SACS: variants seen among roughly 807,000 people sequenced by gnomAD.
SACS encodes the protein sacsin.
In SACS, 197 loss-of-function variants were observed where a neutral mutation model predicts 348.0. That is an observed-to-expected ratio of 0.57 (90% confidence interval 0.50 to 0.64). The LOEUF (loss-of-function observed/expected upper bound fraction) is 0.64. SACS is among the 30% of genes least tolerant of loss of function. The pLI, the probability that SACS is intolerant of heterozygous loss-of-function variation, is 0.00. For synonymous variants in SACS, 1,985 were observed against 1,910.6 expected, an observed-to-expected ratio of 1.04 and a Z score of -1.02; for missense variants, 4,999 against 5,360.8, an observed-to-expected ratio of 0.93 and a Z score of 2.11.
In SACS at chr13:23,331,194, C is replaced by T. The variant is rs1447327391; in HGVS notation, c.12682G>A (p.Asp4228Asn). The change falls in exon 10 of 10, where the codon GAT becomes AAT. Residue 4228 changes from aspartate (D) to asparagine (N), a missense_variant. Asp to Asn is a conservative substitution (Grantham distance 23, BLOSUM62 1). Around this residue, in one of 6 missense-constraint regions of SACS, gnomAD observed 831 missense variants for 941.8 expected, o/e 0.88. Coordinates refer to ENST00000382292, the MANE Select transcript of SACS (RefSeq NM_014363.6). Reference protein sequence around the residue: ...SSFLGKIYQIDIGYSEYKIVS... With the variant: ...SSFLGKIYQINIGYSEYKIVS... ...ATTTTATATTCACTATAACCAATAT[C>T]TATCTGATATATCTTTCCTAGAAAA... 1 of 1,613,720 alleles carries T rather than the reference C, an allele frequency of 6.2e-7. No individual in the cohort carries two copies. Among genetic ancestry groups the T allele is most frequent in the East Asian group, 2.2e-5 (1 of 44,890 alleles).
intron 2 of SACS, among the ~76,000 whole-genome samples, chr13:23,400,089 C>T (rs1421237166): frequency 6.6e-6 from 1 of 150,734 alleles, no homozygotes; most frequent in Non-Finnish European, 1.5e-5. Flanking sequence ...TTACAATTAT[C>T]TCCTGGATCT....
intron 3 of SACS, 131 bp downstream of exon 3, chr13:23,374,988 A>G (rs2137838600): frequency 5.5e-6 from 5 of 902,780 alleles, no homozygotes; most frequent in Non-Finnish European, 7.5e-6. Context: ...ACTCAGGACA[A>G]GCACAGGCGG....
Position 23,355,625 on chromosome 13 carries a change from C to T in SACS, c.987G>A (p.Leu329=). ...TCTCACTCGAAGTCACTCTAAACAC[C>T]AGTTTCTCTGTTCCGTCAGCCTCTC... ...YVREADGTEK[L]VFRVTSSESK... The change falls in exon 8 of 10, where the codon CTG becomes CTA. Residue 329 remains leucine (L), a synonymous_variant. Transcript: ENST00000382292. 1 of 1,614,144 alleles carries T rather than the reference C, an allele frequency of 6.2e-7. No homozygotes were observed. Among genetic ancestry groups the T allele is most frequent in the South Asian group, 1.1e-5 (1 of 91,080 alleles).
intron 2 of SACS, among the ~76,000 whole-genome samples, chr13:23,395,740 C>T (rs1872690084): frequency 6.6e-6 from 1 of 152,196 alleles, no homozygotes; most frequent in Non-Finnish European, 1.5e-5. Context: ...AGCAGGTAAC[C>T]TTACCTTATT....
At chr13:23,368,876 T>C (rs948268770) in intron 4 of SACS, among the ~76,000 whole-genome samples, 2 of 151,896 alleles carry the variant, frequency 1.3e-5, no homozygotes, top group African/African-American at 2.4e-5. Flanking sequence ...TTTTTTTGTA[T>C]TTTTAGTAGA....
intron 2 of SACS, among the ~76,000 whole-genome samples, chr13:23,386,875 G>C (rs1872310504): frequency 6.6e-6 from 1 of 152,162 alleles, no homozygotes; most frequent in Admixed American, 6.5e-5. Context: ...GAGAGGGAGA[G>C]AGGCAAGAAC....
chr13:23,395,536 C>T (rs74971691), intron 2 of SACS, among the ~76,000 whole-genome samples: 2,547 of 152,202 alleles, frequency 0.017, 29 homozygotes, highest in Non-Finnish European at 0.028. Flanking sequence ...CTCCACCATC[C>T]ACCTGTCCAC....
intron 2 of SACS, among the ~76,000 whole-genome samples, chr13:23,383,535 G>GA (rs1233236791): frequency 6.6e-6 from 1 of 152,050 alleles, no homozygotes; most frequent in African/African-American, 2.4e-5. Context: ...AGCTCTGCAG[G>GA]CCTGTTCATG....
At chr13:23,388,047 A>G (rs1162835870) in intron 2 of SACS, among the ~76,000 whole-genome samples, 1 of 152,236 alleles carries the variant, frequency 6.6e-6, no homozygotes, top group Non-Finnish European at 1.5e-5. Context: ...GAGATTCTTT[A>G]AAGAACTAAA....
intron 2 of SACS, among the ~76,000 whole-genome samples, chr13:23,394,127 T>C (rs1489059351): frequency 1.3e-5 from 2 of 152,224 alleles, no homozygotes; most frequent in Non-Finnish European, 2.9e-5. Flanking sequence ...ACGTGATTAA[T>C]GGGCTGGAAC....
intron 3 of SACS, among the ~76,000 whole-genome samples, chr13:23,372,002 A>T (rs993647579): frequency 3.9e-5 from 6 of 152,266 alleles, no homozygotes; most frequent in East Asian, 3.9e-4. Context: ...ATTTGAAAAA[A>T]ATTTTTTTTT....
At chr13:23,421,781 TGG>T (rs1873955505) in intron 1 of SACS, among the ~76,000 whole-genome samples, 1 of 151,888 alleles carries the variant, frequency 6.6e-6, no homozygotes, top group Non-Finnish European at 1.5e-5. Context: ...ACCTGGAGCG[TGG>T]TGTTCACCAG....
chr13:23,404,799 T>C (rs9507089), intron 2 of SACS, among the ~76,000 whole-genome samples: 88,675 of 151,968 alleles, frequency 0.58, 26,150 homozygotes, highest in East Asian at 0.78. Flanking sequence ...TGAGCGAACT[T>C]TCATTCACAA....
intron 3 of SACS, among the ~76,000 whole-genome samples, chr13:23,372,263 T>C (rs1164805477): frequency 6.6e-6 from 1 of 152,188 alleles, no homozygotes; most frequent in African/African-American, 2.4e-5. Flanking sequence ...GAGACTAGCA[T>C]GAAAATGATG....
At chr13:23,384,235 C>T (rs941330278) in intron 2 of SACS, among the ~76,000 whole-genome samples, 12 of 152,330 alleles carry the variant, frequency 7.9e-5, no homozygotes, top group Admixed American at 2.6e-4. Flanking sequence ...AGGTGACTTC[C>T]GCCTTCGTAG....
Position 23,336,820 on chromosome 13 carries a change from T to C in SACS, c.7056A>G (p.Ala2352=), listed in dbSNP as rs1199675216. ...KPFSFILVEN[A]YVDSEKVSFH... Reference sequence around the variant, plus strand: ...AAGAAACCTTTTCTGAGTCAACATATGCATTCTCAACTAGAATGAAGCTAA... The same window carrying C: ...AAGAAACCTTTTCTGAGTCAACATACGCATTCTCAACTAGAATGAAGCTAA... Residue 2352 remains alanine, a synonymous_variant, in exon 10 of 10, where the codon GCA becomes GCG. Coordinates refer to ENST00000382292, the MANE Select transcript of SACS (RefSeq NM_014363.6). 6.8e-6 allele frequency: 11 copies of C among 1,613,660 alleles called. No homozygotes were observed. The highest frequency in any genetic ancestry group is 4.0e-5 in the African/African-American group (3 of 74,906).
chr13:23,376,850 G>A (rs1157177350), intron 2 of SACS, among the ~76,000 whole-genome samples: 4 of 152,160 alleles, frequency 2.6e-5, no homozygotes, highest in Non-Finnish European at 4.4e-5. Flanking sequence ...TCAGGAGTTC[G>A]AGACCAGCCT....
At position 23,341,702 on chromosome 13, in the gene SACS, A is replaced by G. The variant is rs752959428; in HGVS notation, c.2186-12T>C. On this transcript the variant is annotated splice_polypyrimidine_tract_variant and intron_variant, in intron 9 of 9. Transcript: ENST00000382292. ...AGTACATGGTCTTCCTGTAAATCAT[A>G]CACAGAAATGTCATAAATACATATA... The G allele has an allele frequency of 6.2e-7, 1 of 1,609,968 alleles. No individual in the cohort carries two copies. Among genetic ancestry groups the G allele is most frequent in the Non-Finnish European group, 8.5e-7 (1 of 1,178,044 alleles).
At chr13:23,381,675 G>C (rs574274957) in intron 2 of SACS, among the ~76,000 whole-genome samples, 3 of 152,100 alleles carry the variant, frequency 2.0e-5, no homozygotes, top group Non-Finnish European at 4.4e-5. Flanking sequence ...AGAAGTAATT[G>C]AGAAACATGA....
Sources: gnomAD v4.1 joint callset for allele counts (sites outside exome capture counted in the v4.1 genomes callset) on GRCh38, gnomAD v4.1.1 for gene constraint, gnomAD v4.1.1 regional missense constraint, MANE v1.5 for transcripts, NCBI Gene and HGNC (gene_info 2026-07-23, HGNC 2026-07-21) for gene names.